Variants in SBF1 observed in about 807,000 individuals in gnomAD.
SBF1 encodes the protein myotubularin-related protein 5.
Under a neutral mutation model 215.8 loss-of-function variants are expected in SBF1, and 65 were observed. That is an observed-to-expected ratio of 0.30 (90% confidence interval 0.25 to 0.37). The LOEUF (loss-of-function observed/expected upper bound fraction) is 0.37. Among genes scored for constraint, SBF1 ranks in the 10% least tolerant of loss-of-function variants. SBF1 has a pLI of 1.00. For missense variants in SBF1, 2,634 were observed against 2,667.8 expected (o/e 0.99, Z 0.28); for synonymous variants, 1,410 against 1,122.8 (o/e 1.26, Z -5.11).
chr22:50,451,793 ATCTT>A (rs1042168803), intron 36 of SBF1, among the ~76,000 whole-genome samples: 1 of 150,690 alleles, frequency 6.6e-6, no homozygotes, highest in African/African-American at 2.4e-5. Context: ...ACAAAGTAAT[ATCTT>A]TTTTTTTTTT....
chr22:50,451,350 A>T (rs2067040306), intron 36 of SBF1, among the ~76,000 whole-genome samples: 1 of 152,104 alleles, frequency 6.6e-6, no homozygotes, highest in African/African-American at 2.4e-5. Flanking sequence ...GTCTCAAGAA[A>T]TTAAAAAAAA....
chr22:50,464,007 G>C (rs1373130889), intron 15 of SBF1, among the ~76,000 whole-genome samples: 1 of 152,206 alleles, frequency 6.6e-6, no homozygotes, highest in Non-Finnish European at 1.5e-5. Context: ...TTTCCATCAA[G>C]TACAAAGAAC....
chr22:50,466,345 G>A lies in SBF1; in HGVS notation c.788+5C>T, dbSNP rs1008901176. 3 of 1,579,172 alleles carry A rather than the reference G, an allele frequency of 1.9e-6. No homozygotes were observed. The highest frequency in any genetic ancestry group is 2.3e-5 in the East Asian group (1 of 42,702). On this transcript the variant is annotated splice_donor_5th_base_variant and intron_variant, in intron 7 of 40. Transcript: ENST00000380817. ...AAGGGGCTGGGAGGGCCGGGCAGGG[G>A]TCACCTGTATCTGAGAGGAAACAGC...
Position 50,461,276 on chromosome 22 carries a change from C to G in SBF1, c.2850G>C (p.Gln950His). The G allele has an allele frequency of 6.2e-7, 1 of 1,611,144 alleles. No homozygotes were observed. The highest frequency in any genetic ancestry group is 8.5e-7 in the Non-Finnish European group (1 of 1,178,156). Residue 950 changes from glutamine (Q) to histidine (H), a missense_variant, in exon 23 of 41, where the codon CAG becomes CAC. Transcript: ENST00000380817. ...CCACCGGGAAGGAGCGGACCACCAC[C>G]TGCTCCCCAACTTAGGACAGGCCAG... The part of the protein sequence containing the change: ...GMPTDPLVGE[Q>H]VVVRSFPVAA...
intron 36 of SBF1, among the ~76,000 whole-genome samples, chr22:50,449,625 A>ACACACACACACAC (rs1556417419): frequency 2.0e-5 from 3 of 146,960 alleles, no homozygotes; most frequent in Middle Eastern, 3.5e-3. Flanking sequence ...AAAACACACA[A>ACACACACACACAC]ACACACACAC....
chr22:50,455,197 G>A lies in SBF1; in HGVS notation c.4554+27C>T, dbSNP rs761476593. ...CTCAGCGGTCAGGGTGCACAGTCCC[G>A]GCCCACCCACACAGCGGCCTGCCCA... On this transcript the variant is annotated intron_variant, in intron 33 of 40. Coordinates refer to ENST00000380817, the MANE Select transcript of SBF1 (RefSeq NM_002972.4). The A allele has an allele frequency of 2.3e-5, 37 of 1,612,572 alleles. No homozygotes were observed. In the Admixed American group the frequency reaches 3.0e-4, roughly 13 times the overall value.
rs763922275 is a variant in SBF1, at chr22:50,461,152, G to A, written c.2967+7C>T. 13 of 1,590,690 alleles carry A rather than the reference G, an allele frequency of 8.2e-6. No individual in the cohort carries two copies. The highest frequency in any genetic ancestry group is 4.5e-5 in the East Asian group (2 of 44,320). ...GATGAGAGCCCCACCCGCGCACCGCGCCCCACCTGGAATGTGCAGGAGCGC... is the reference window on the plus strand; with the variant it reads ...GATGAGAGCCCCACCCGCGCACCGCACCCCACCTGGAATGTGCAGGAGCGC... On this transcript the variant is annotated splice_region_variant and intron_variant, in intron 23 of 40. Coordinates refer to ENST00000380817, the MANE Select transcript of SBF1 (RefSeq NM_002972.4).
At chr22:50,457,235 GC>G (rs2067291309) in intron 28 of SBF1, 124 bp from the exon 29 acceptor site, 2 of 707,284 alleles carry the variant, frequency 2.8e-6, no homozygotes, top group Non-Finnish European at 4.2e-6. Context: ...GCAGGGGTCA[GC>G]CCCAAGTCCC....
intron 10 of SBF1, 25 bp downstream of exon 10, chr22:50,465,738 A>C: frequency 5.1e-6 from 8 of 1,576,190 alleles, no homozygotes; most frequent in Non-Finnish European, 6.9e-6. Context: ...TGGGGTCCCC[A>C]TGCAGGAGCA....
intron 1 of SBF1, among the ~76,000 whole-genome samples, chr22:50,468,828 G>A (rs765700789): frequency 1.3e-5 from 2 of 151,594 alleles, no homozygotes; most frequent in Non-Finnish European, 2.9e-5. Context: ...TTAGGCTCTC[G>A]GCCCCCCAAC....
chr22:50,464,512 C>T, intron 14 of SBF1, 22 bp downstream of exon 14: 2 of 1,603,712 alleles, frequency 1.2e-6, no homozygotes, highest in Non-Finnish European at 1.7e-6. Flanking sequence ...CGGGGCCTGC[C>T]TTCCCCTCCC....
At chr22:50,473,090 T>C (rs192452956) in intron 1 of SBF1, among the ~76,000 whole-genome samples, 1 of 152,250 alleles carries the variant, frequency 6.6e-6, no homozygotes, top group East Asian at 1.9e-4. Context: ...GCCAGCTTGT[T>C]GTGGAGCCCA....
At chr22:50,449,743 A>G (rs1465242854) in intron 36 of SBF1, among the ~76,000 whole-genome samples, 1 of 152,174 alleles carries the variant, frequency 6.6e-6, no homozygotes, top group African/African-American at 2.4e-5. Flanking sequence ...CTCTCTTTGA[A>G]AGAGCAACAA....
chr22:50,462,837 T>C lies in SBF1; in HGVS notation c.1968+33A>G, dbSNP rs117506960. The C allele has an allele frequency of 0.011, 18,249 of 1,612,252 alleles. 392 individuals carry two copies. Among genetic ancestry groups the C allele is most frequent in the East Asian group, 0.1 (4,555 of 44,840 alleles). On this transcript the variant is annotated intron_variant, in intron 17 of 40. Coordinates refer to ENST00000380817, the MANE Select transcript of SBF1 (RefSeq NM_002972.4). ...ACCTCAGCCACCAGGAAGGGGGGGC[T>C]GGGAAGGAGACCTCAGCCATGCCAG...
At chr22:50,456,803 G>A in intron 29 of SBF1, 130 bp from the exon 30 acceptor site, 2 of 840,646 alleles carry the variant, frequency 2.4e-6, no homozygotes, top group Non-Finnish European at 3.6e-6. Flanking sequence ...CCCCAGCAGG[G>A]CCGTGCGAGA....
At chr22:50,464,086 A>G (rs1400686251) in intron 15 of SBF1, among the ~76,000 whole-genome samples, 2 of 152,182 alleles carry the variant, frequency 1.3e-5, no homozygotes, top group Non-Finnish European at 2.9e-5. Context: ...AAACCTTCTG[A>G]TTTCTAAAAA....
At position 50,448,409 on chromosome 22, in the gene SBF1, G is replaced by GGGACACAA; in HGVS notation, c.5186_5187insTTGTGTCC (p.His1730CysfsTer22). The GGGACACAA allele has an allele frequency of 6.2e-7, 1 of 1,613,870 alleles. No individual in the cohort carries two copies. Among genetic ancestry groups the GGGACACAA allele is most frequent in the East Asian group, 2.2e-5 (1 of 44,882 alleles). ...ACACACCCAGCGAGCGACGGTGGTG[G>GGGACACAA]GGTGCGGTGGACACAAGGAGGGAGC... is the stretch of plus-strand genomic sequence containing the variant. On this transcript the variant is annotated frameshift_variant, in exon 38 of 41. Transcript: ENST00000380817. LOFTEE classifies it high-confidence loss of function.
At position 50,463,181 on chromosome 22, in the gene SBF1, C is replaced by T. The variant is rs2067594803; in HGVS notation, c.1899+102G>A. ...GACCCCTGCCCACTGGCACAGGAGT[C>T]TCTTGCACCGTCTCTCCACTCTCAC... On this transcript the variant is annotated intron_variant, in intron 16 of 40. Coordinates refer to ENST00000380817, the MANE Select transcript of SBF1 (RefSeq NM_002972.4). The T allele has an allele frequency of 2.7e-6, 4 of 1,476,112 alleles. No individual in the cohort carries two copies. The East Asian group carries it at 9.7e-5, about 36-fold the overall frequency. The allele number at this position is 1,476,112 out of a possible 1,614,324, so 91.4% of individuals were successfully genotyped here.
At position 50,464,642 on chromosome 22, in the gene SBF1, C is replaced by T. The variant is rs1556430354; in HGVS notation, c.1528G>A (p.Glu510Lys). 1.2e-6 allele frequency: 2 copies of T among 1,609,818 alleles called. No individual in the cohort carries two copies. Among genetic ancestry groups the T allele is most frequent in the Non-Finnish European group, 1.7e-6 (2 of 1,179,786 alleles). The change falls in exon 14 of 41, where the codon GAG becomes AAG. Residue 510 changes from glutamate to lysine, a missense_variant. By Grantham distance (56) the Glu-to-Lys change is moderately conservative (BLOSUM62 1). Coordinates refer to ENST00000380817, the MANE Select transcript of SBF1 (RefSeq NM_002972.4). Reference protein sequence around the residue: ...RVPRPFPRLDEGTVQWIVDQA... With the variant: ...RVPRPFPRLDKGTVQWIVDQA... ...TCCACGATCCACTGCACGGTGCCCT[C>T]ATCCAGCCGGGGGAAGGGTCGGGGC...
Sources: gnomAD v4.1 joint callset for allele counts (sites outside exome capture counted in the v4.1 genomes callset) on GRCh38, gnomAD v4.1.1 for gene constraint, MANE v1.5 for transcripts, NCBI Gene and HGNC (gene_info 2026-07-23, HGNC 2026-07-21) for gene names.